Variants in SEM1 observed in about 807,000 individuals in gnomAD.
SEM1 encodes SEM1 26S proteasome subunit, also known as 26S proteasome complex subunit SEM1.
Under a neutral mutation model 12.7 loss-of-function variants are expected in SEM1, and 3 were observed. That is an observed-to-expected ratio of 0.24 (90% CI 0.11 to 0.61). The LOEUF (loss-of-function observed/expected upper bound fraction) is 0.61, where lower values mean the gene tolerates loss of function less well. SEM1 is among the 20% of genes least tolerant of loss of function. SEM1 has a pLI of 0.88. For missense variants in SEM1, 59 were observed against 81.3 expected, an observed-to-expected ratio of 0.73 and a Z score of 1.06; for synonymous variants, 30 against 27.8, an observed-to-expected ratio of 1.08 and a Z score of -0.25.
chr7:96,698,288 G>A (rs535619989), intron 1 of SEM1, among the ~76,000 whole-genome samples: 1 of 152,196 alleles, frequency 6.6e-6, no homozygotes, highest in South Asian at 2.1e-4. Context: ...GGATAGATGT[G>A]CAGAATGTAC....
chr7:96,542,139 A>G (rs1399915508), intron 2 of SEM1, among the ~76,000 whole-genome samples: 2 of 151,560 alleles, frequency 1.3e-5, no homozygotes, highest in Admixed American at 1.3e-4. Context: ...TATGTGAAAA[A>G]TTACATTGGT....
At position 96,546,504 on chromosome 7, in the gene SEM1, T is replaced by C. The variant is rs1341402413; in HGVS notation, c.171-39806A>G. 3.9e-5 allele frequency among the ~76,000 whole-genome samples: 6 copies of C among 152,102 alleles called. No homozygotes were observed. The East Asian group carries it at 1.2e-3, about 29-fold the overall frequency. ...ATGATCATTTTCAGTACCTACCTCTTATGTGTTGACAAAAACCAGCAGAGT... is the reference window on the plus strand; with the variant it reads ...ATGATCATTTTCAGTACCTACCTCTCATGTGTTGACAAAAACCAGCAGAGT... On this transcript the variant is annotated intron_variant and NMD_transcript_variant, in intron 2 of 3. Transcript: ENST00000466986.
intron 2 of SEM1, among the ~76,000 whole-genome samples, chr7:96,582,098 G>C (rs1414269389): frequency 1.3e-5 from 2 of 149,028 alleles, no homozygotes; most frequent in East Asian, 3.9e-4. Context: ...GTATGATATT[G>C]GCTGTGGGTT....
intron 2 of SEM1, among the ~76,000 whole-genome samples, chr7:96,693,869 A>C (rs1790009315): frequency 6.6e-6 from 1 of 151,772 alleles, no homozygotes; most frequent in Non-Finnish European, 1.5e-5. Context: ...CGTTCATAGC[A>C]GCACTATCCA....
intron 2 of SEM1, among the ~76,000 whole-genome samples, chr7:96,616,517 T>G (rs1807727275): frequency 1.3e-5 from 2 of 152,210 alleles, no homozygotes; most frequent in Non-Finnish European, 2.9e-5. Context: ...GCAATGTTGA[T>G]TGTTTCTTTT....
chr7:96,678,024 T>A (rs553426900), intron 2 of SEM1, among the ~76,000 whole-genome samples: 144 of 152,320 alleles, frequency 9.5e-4, no homozygotes, highest in African/African-American at 3.3e-3. Context: ...TGCCTGACGC[T>A]TGGTAGCTGC....
At chr7:96,561,229 A>G (rs1805683351) in intron 2 of SEM1, among the ~76,000 whole-genome samples, 1 of 152,230 alleles carries the variant, frequency 6.6e-6, no homozygotes, top group Non-Finnish European at 1.5e-5. Flanking sequence ...AATGTTCCAC[A>G]TGACAAAATA....
chr7:96,624,297 G>A (rs751134111), intron 2 of SEM1, among the ~76,000 whole-genome samples: 5 of 152,102 alleles, frequency 3.3e-5, no homozygotes, highest in Non-Finnish European at 7.4e-5. Context: ...TAGATATATG[G>A]GAGTACATTG....
chr7:96,522,038 T>C (rs1804291165), intron 2 of SEM1, among the ~76,000 whole-genome samples: 1 of 151,918 alleles, frequency 6.6e-6, no homozygotes, highest in Non-Finnish European at 1.5e-5. Flanking sequence ...AAAAAGTAAA[T>C]AAAATTTTGT....
intron 2 of SEM1, among the ~76,000 whole-genome samples, chr7:96,518,986 A>G (rs918435676): frequency 1.3e-5 from 2 of 152,152 alleles, no homozygotes; most frequent in Non-Finnish European, 2.9e-5. Flanking sequence ...TGACCTATAC[A>G]CAACATTCCA....
At chr7:96,673,631 C>T in exon 3 of SEM1, 2 of 649,204 alleles carry the variant, frequency 3.1e-6, no homozygotes, top group Non-Finnish European at 5.6e-6. Flanking sequence ...GTAGCACCAC[C>T]CCACTCCCTC....
At chr7:96,609,581 G>C (rs554152584) in intron 2 of SEM1, among the ~76,000 whole-genome samples, 2 of 152,164 alleles carry the variant, frequency 1.3e-5, no homozygotes, top group Admixed American at 6.5e-5. Flanking sequence ...ACCTGAATGT[G>C]AGTCTTCTTA....
At chr7:96,586,251 A>G (rs1456460927) in intron 2 of SEM1, among the ~76,000 whole-genome samples, 1 of 152,060 alleles carries the variant, frequency 6.6e-6, no homozygotes, top group Non-Finnish European at 1.5e-5. Flanking sequence ...CCTCTCTGAG[A>G]TTTTTCCTTC....
At chr7:96,602,875 G>T (rs1376548320) in intron 2 of SEM1, among the ~76,000 whole-genome samples, 1 of 152,110 alleles carries the variant, frequency 6.6e-6, no homozygotes, top group Non-Finnish European at 1.5e-5. Flanking sequence ...TTTTACAAAT[G>T]ATCAAATAGA....
chr7:96,582,519 A>G (rs1165646052), intron 2 of SEM1, among the ~76,000 whole-genome samples: 2 of 150,968 alleles, frequency 1.3e-5, no homozygotes, highest in African/African-American at 2.4e-5. Context: ...CTCTTTTTCT[A>G]TTGATTGGAA....
intron 1 of SEM1, among the ~76,000 whole-genome samples, chr7:96,494,767 A>C (rs1306763776): frequency 1.3e-5 from 2 of 151,708 alleles, no homozygotes; most frequent in African/African-American, 2.4e-5. Context: ...GGAAAATAGC[A>C]TTGGAAGAAT....
At chr7:96,517,324 G>A (rs1309668071) in intron 2 of SEM1, among the ~76,000 whole-genome samples, 1 of 152,132 alleles carries the variant, frequency 6.6e-6, no homozygotes, top group East Asian at 1.9e-4. Context: ...TGTTGGGACA[G>A]AGGGTAAATG....
At chr7:96,581,009 AT>A (rs1806381871) in intron 2 of SEM1, among the ~76,000 whole-genome samples, 1 of 152,114 alleles carries the variant, frequency 6.6e-6, no homozygotes, top group South Asian at 2.1e-4. Flanking sequence ...TTTTGTTGCC[AT>A]TGCTTTTGGT....
intron 2 of SEM1, among the ~76,000 whole-genome samples, chr7:96,559,248 T>A (rs1805621530): frequency 6.6e-6 from 1 of 152,190 alleles, no homozygotes; most frequent in Admixed American, 6.5e-5. Flanking sequence ...TATTTGCATA[T>A]TTTTCCTGTC....
Sources: allele counts gnomAD v4.1 joint callset (sites outside exome capture counted in the v4.1 genomes callset), GRCh38; gene constraint gnomAD v4.1.1; transcripts MANE v1.5; gene names NCBI Gene and HGNC (gene_info 2026-07-23, HGNC 2026-07-21).